The following NCOA1 variants were observed in gnomAD, a reference collection of about 807,000 sequenced individuals.
NCOA1 encodes nuclear receptor coactivator 1, also known as Hin-2 protein.
A neutral mutation model predicts 150.9 loss-of-function variants in NCOA1; 35 were observed. The ratio of observed to expected loss-of-function variants is 0.23; its 90% confidence interval spans 0.18 to 0.31. The LOEUF is 0.31. Among genes scored for constraint, NCOA1 ranks in the 10% least tolerant of loss-of-function variants. The probability of loss-of-function intolerance (pLI) is 1.00; values close to 1 mark genes in which losing one functional copy is unlikely to be tolerated. For missense variants in NCOA1, 1,491 were observed against 1,749.3 expected (o/e 0.85, Z 2.63); for synonymous variants, 590 against 630.0 (o/e 0.94, Z 0.95).
At chr2:24,558,485 C>A (rs117485139) in intron 1 of NCOA1, among the ~76,000 whole-genome samples, 1 of 152,050 alleles carries the variant, frequency 6.6e-6, no homozygotes, top group Admixed American at 6.6e-5. Context: ...AGTGGAAACC[C>A]CTGATAAAAC....
chr2:24,738,361 T>C lies in NCOA1; in HGVS notation c.3202-1071T>C, dbSNP rs56009668. Among the ~76,000 whole-genome samples the C allele has an allele frequency of 8.2e-3, 1,246 of 152,142 alleles. 21 individuals carry two copies. The highest frequency in any genetic ancestry group is 0.028 in the African/African-American group (1,169 of 41,562). ...ATTAATATTATTGTTACTGTTATCTTCCGGAATAGTTTATTCATATGAAAT... is the reference window on the plus strand; with the variant it reads ...ATTAATATTATTGTTACTGTTATCTCCCGGAATAGTTTATTCATATGAAAT... On this transcript the variant is annotated intron_variant, in intron 17 of 22. Transcript: ENST00000348332.
chr2:24,575,118 A>C (rs1015406117), intron 2 of NCOA1, among the ~76,000 whole-genome samples: 1 of 151,796 alleles, frequency 6.6e-6, no homozygotes, highest in East Asian at 1.9e-4. Flanking sequence ...CCTCAGTTAC[A>C]TTGATCTTAG....
intron 7 of NCOA1, among the ~76,000 whole-genome samples, chr2:24,678,691 G>A (rs888186879): frequency 9.9e-5 from 15 of 152,170 alleles, no homozygotes; most frequent in African/African-American, 3.6e-4. Context: ...TTTCTTTTGA[G>A]AAGTGTCTGT....
At chr2:24,506,233 G>A (rs975568388) in intron 1 of NCOA1, among the ~76,000 whole-genome samples, 1 of 151,656 alleles carries the variant, frequency 6.6e-6, no homozygotes, top group African/African-American at 2.4e-5. Context: ...TCCAGGTCTC[G>A]GTACCAGGAA....
chr2:24,592,175 G>T (rs2148336149), intron 3 of NCOA1, among the ~76,000 whole-genome samples: 1 of 152,268 alleles, frequency 6.6e-6, no homozygotes, highest in South Asian at 2.1e-4. Context: ...TTTTGAAAAA[G>T]ATTGGTAAGA....
chr2:24,606,269 C>T (rs1422237664), intron 3 of NCOA1, among the ~76,000 whole-genome samples: 1 of 151,832 alleles, frequency 6.6e-6, no homozygotes, highest in Non-Finnish European at 1.5e-5. Context: ...CAGAGTCTCA[C>T]TCCGTTGCCA....
chr2:24,663,842 G>C (rs1042283081), intron 5 of NCOA1, among the ~76,000 whole-genome samples: 1 of 152,004 alleles, frequency 6.6e-6, no homozygotes, highest in Non-Finnish European at 1.5e-5. Context: ...CTCTGTCTGC[G>C]TGTCCTGCCT....
intron 6 of NCOA1, among the ~76,000 whole-genome samples, chr2:24,671,536 G>A (rs561752957): frequency 8.1e-4 from 123 of 152,208 alleles, no homozygotes; most frequent in African/African-American, 2.9e-3. Flanking sequence ...AAGATAAAAT[G>A]TCATAGTATT....
chr2:24,707,950 A>G (rs1393939865), intron 13 of NCOA1, 62 bp downstream of exon 13: 4 of 1,506,690 alleles, frequency 2.7e-6, no homozygotes, highest in South Asian at 2.8e-5. Context: ...CATTTATTCT[A>G]TTCCATCTGT....
In NCOA1 at chr2:24,763,629, T is replaced by C. The variant is rs1290359415; in HGVS notation, c.4155+853T>C. 3.4e-5 allele frequency among the ~76,000 whole-genome samples: 5 copies of C among 145,118 alleles called. 1 individual carries two copies. Among genetic ancestry groups the C allele is most frequent in the African/African-American group, 1.3e-4 (5 of 39,632 alleles). ...TGGTCTCTCTCTCTTTTTTTTTTTTTTTTTTTTTTGAGTTGGAATTTCGCT... is the reference window on the plus strand; with the variant it reads ...TGGTCTCTCTCTCTTTTTTTTTTTTCTTTTTTTTTGAGTTGGAATTTCGCT... On this transcript the variant is annotated intron_variant, in intron 22 of 22. Coordinates refer to ENST00000348332, the MANE Select transcript of NCOA1 (RefSeq NM_003743.5).
rs201296429 is a variant in NCOA1, at chr2:24,726,550, A to G, written c.2600-39A>G. ...TGAAAATACCATCATTTTATCCTCC[A>G]CTGAGATAATGACTTCTTACCTTTT... On this transcript the variant is annotated intron_variant, in intron 14 of 22. Transcript: ENST00000348332. 66 of 1,291,472 alleles carry G rather than the reference A, an allele frequency of 5.1e-5. No individual in the cohort carries two copies. In the African/African-American group the frequency reaches 7.4e-4, roughly 14 times the overall value. 80.0% of individuals were successfully genotyped at this position (1,291,472 alleles called of 1,614,324 possible).
chr2:24,739,453 G>A lies in NCOA1; in HGVS notation c.3223G>A (p.Ala1075Thr). The change falls in exon 18 of 23, where the codon GCT becomes ACT. Residue 1075 changes from alanine (A) to threonine (T), a missense_variant. Physicochemically the swap from Ala to Thr is moderately conservative, Grantham distance 58. Transcript: ENST00000348332. Reference protein sequence around the residue: ...QQQLIHQNRQAILNQFAATAP... With the variant: ...QQQLIHQNRQTILNQFAATAP... ...CTAGTTGATACACCAAAATCGGCAAGCTATCTTAAACCAGTTTGCAGCAAC... is the reference window on the plus strand; with the variant it reads ...CTAGTTGATACACCAAAATCGGCAAACTATCTTAAACCAGTTTGCAGCAAC... 2 of 1,613,716 alleles carry A rather than the reference G, an allele frequency of 1.2e-6. No individual in the cohort carries two copies. The highest frequency in any genetic ancestry group is 1.1e-5 in the South Asian group (1 of 91,068).
At chr2:24,595,482 AAAAACTATTTTTAT>A (rs1667848347) in intron 3 of NCOA1, among the ~76,000 whole-genome samples, 1 of 152,098 alleles carries the variant, frequency 6.6e-6, no homozygotes, top group South Asian at 2.1e-4. Flanking sequence ...AAACAAGGTT[AAAAACTATTTTTAT>A]AGGACCTCTG....
chr2:24,718,489 C>T (rs1674171651), intron 14 of NCOA1, among the ~76,000 whole-genome samples: 3 of 152,084 alleles, frequency 2.0e-5, no homozygotes, highest in South Asian at 2.1e-4. Flanking sequence ...TGAAAGTCCA[C>T]GTCCATAAAG....
chr2:24,624,634 A>G (rs193017426), intron 3 of NCOA1, among the ~76,000 whole-genome samples: 155 of 152,300 alleles, frequency 1.0e-3, no homozygotes, highest in Non-Finnish European at 1.6e-3. Flanking sequence ...TTCAAATGCT[A>G]CTGAGTGTTT....
intron 6 of NCOA1, among the ~76,000 whole-genome samples, chr2:24,666,154 G>A (rs1671415247): frequency 2.0e-5 from 3 of 151,264 alleles, no homozygotes; most frequent in Middle Eastern, 3.2e-3. Flanking sequence ...TGGGACTACA[G>A]GCGCCTGCCA....
chr2:24,515,066 TTAATC>T (rs552522783), intron 1 of NCOA1, among the ~76,000 whole-genome samples: 6 of 152,168 alleles, frequency 3.9e-5, no homozygotes, highest in Non-Finnish European at 7.4e-5. Context: ...CCAAAGTTGT[TTAATC>T]TAATTTAGCA....
intron 4 of NCOA1, among the ~76,000 whole-genome samples, chr2:24,654,764 A>C (rs1164603867): frequency 1.3e-5 from 2 of 151,380 alleles, no homozygotes; most frequent in African/African-American, 4.9e-5. Context: ...CCCATCCCCC[A>C]GGTTCTAGCC....
At chr2:24,706,072 A>G (rs193271477) in intron 12 of NCOA1, among the ~76,000 whole-genome samples, 74 of 152,148 alleles carry the variant, frequency 4.9e-4, no homozygotes, top group Non-Finnish European at 7.2e-4. Flanking sequence ...TTTTTACATC[A>G]GTGACACAGT....
Sources: gnomAD v4.1 joint callset for allele counts (sites outside exome capture counted in the v4.1 genomes callset) on GRCh38, gnomAD v4.1.1 for gene constraint, MANE v1.5 for transcripts, NCBI Gene and HGNC (gene_info 2026-07-23, HGNC 2026-07-21) for gene names.